Variants in ZNRF2 observed in about 807,000 individuals in gnomAD.
ZNRF2 encodes the protein zinc and ring finger 2, also known as E3 ubiquitin-protein ligase ZNRF2.
Under a neutral mutation model 20.4 loss-of-function variants are expected in ZNRF2, and 16 were observed. That is an observed-to-expected ratio of 0.79 (90% CI 0.53 to 1.19). The LOEUF (loss-of-function observed/expected upper bound fraction) is 1.19, where lower values mean the gene tolerates loss of function less well. ZNRF2 is among the 50% of genes most tolerant of loss of function. The probability of loss-of-function intolerance (pLI) is 0.00; values close to 1 mark genes in which losing one functional copy is unlikely to be tolerated. For synonymous variants in ZNRF2, 178 were observed against 144.9 expected, an observed-to-expected ratio of 1.23 and a Z score of -1.64; for missense variants, 363 against 332.4, an observed-to-expected ratio of 1.09 and a Z score of -0.72.
chr7:30,329,480 TTC>T (rs1799603692), intron 2 of ZNRF2, among the ~76,000 whole-genome samples: 1 of 152,302 alleles, frequency 6.6e-6, no homozygotes, highest in African/African-American at 2.4e-5. Flanking sequence ...ACCATCATTC[TTC>T]TCTCTGTCTC....
chr7:30,353,697 G>A (rs560093316), intron 2 of ZNRF2, among the ~76,000 whole-genome samples: 1 of 152,240 alleles, frequency 6.6e-6, no homozygotes, highest in African/African-American at 2.4e-5. Context: ...CTCTGAAAAT[G>A]AGATGCGTCT....
intron 1 of ZNRF2, among the ~76,000 whole-genome samples, chr7:30,306,306 T>A (rs952151412): frequency 6.6e-6 from 1 of 151,400 alleles, no homozygotes; most frequent in African/African-American, 2.4e-5. Context: ...AAGAATAAAA[T>A]TCAGTCTTTT....
chr7:30,309,333 C>CT (rs1369739487), intron 1 of ZNRF2, among the ~76,000 whole-genome samples: 1 of 152,096 alleles, frequency 6.6e-6, no homozygotes, highest in Admixed American at 6.6e-5. Flanking sequence ...GATTATTTAA[C>CT]CATTATTTAG....
At chr7:30,289,076 T>C (rs1798849194) in intron 1 of ZNRF2, 1 of 152,218 alleles carries the variant, frequency 6.6e-6, no homozygotes, top group Non-Finnish European at 1.5e-5. Flanking sequence ...TAATGTATCC[T>C]TGAGTCCAGA....
chr7:30,293,406 G>A (rs1321811275), intron 1 of ZNRF2, among the ~76,000 whole-genome samples: 1 of 152,020 alleles, frequency 6.6e-6, no homozygotes, highest in Non-Finnish European at 1.5e-5. Flanking sequence ...GCACCACCAT[G>A]CCTCACTAAT....
chr7:30,308,060 CT>C (rs1444246334), intron 1 of ZNRF2, among the ~76,000 whole-genome samples: 1 of 152,052 alleles, frequency 6.6e-6, no homozygotes, highest in Non-Finnish European at 1.5e-5. Flanking sequence ...CCCTTTTTTC[CT>C]CTTAGAATAA....
chr7:30,313,687 C>T (rs147706695), intron 1 of ZNRF2, among the ~76,000 whole-genome samples: 1 of 151,990 alleles, frequency 6.6e-6, no homozygotes, highest in Non-Finnish European at 1.5e-5. Context: ...ACTAAGTTAC[C>T]GTTGGCACTG....
At chr7:30,290,433 T>C (rs1441172151) in intron 1 of ZNRF2, among the ~76,000 whole-genome samples, 1 of 152,210 alleles carries the variant, frequency 6.6e-6, no homozygotes, top group Non-Finnish European at 1.5e-5. Flanking sequence ...GCAGGGTTGT[T>C]ATCTAGTGAC....
intron 2 of ZNRF2, among the ~76,000 whole-genome samples, chr7:30,340,649 A>G (rs1269525264): frequency 1.3e-5 from 2 of 151,904 alleles, no homozygotes; most frequent in African/African-American, 4.8e-5. Flanking sequence ...CCAGTATTTT[A>G]TTGAGGATTT....
chr7:30,365,136 G>C (rs1373422774), intron 4 of ZNRF2, among the ~76,000 whole-genome samples: 1 of 141,196 alleles, frequency 7.1e-6, no homozygotes. Context: ...TTAGACCATA[G>C]AGCTGATAAG....
intron 1 of ZNRF2, among the ~76,000 whole-genome samples, chr7:30,314,330 AC>A (rs1289394537): frequency 6.6e-6 from 1 of 151,770 alleles, no homozygotes; most frequent in African/African-American, 2.4e-5. Flanking sequence ...ACATTACATA[AC>A]ATAACATTGT....
At chr7:30,363,650 G>GA (rs577764510) in intron 4 of ZNRF2, among the ~76,000 whole-genome samples, 50 of 149,532 alleles carry the variant, frequency 3.3e-4, no homozygotes, top group African/African-American at 7.3e-4. Flanking sequence ...TTTTACGACT[G>GA]AAAAAAAAAC....
At chr7:30,351,324 G>A (rs1799958263) in intron 2 of ZNRF2, among the ~76,000 whole-genome samples, 1 of 151,964 alleles carries the variant, frequency 6.6e-6, no homozygotes, top group South Asian at 2.1e-4. Flanking sequence ...CACATTTCAA[G>A]TGCTGTTTTC....
Position 30,362,349 on chromosome 7 carries a change from C to A in ZNRF2, c.672-28C>A, listed in dbSNP as rs755853827. 3 of 1,523,926 alleles carry A rather than the reference C, an allele frequency of 2.0e-6. No individual in the cohort carries two copies. In the African/African-American group the frequency reaches 4.1e-5, roughly 21 times the overall value. 94.4% of individuals were successfully genotyped at this position (1,523,926 alleles called of 1,614,324 possible). A position where few individuals can be genotyped will look rare whatever the true frequency, so the allele number is the denominator to read the frequency against. On this transcript the variant is annotated intron_variant, in intron 3 of 4. Transcript: ENST00000323037. ...ATATAAATAATTAGTATAAGTATCT[C>A]AATTTTTCTGGTTTTGTTCCTTTCT... is the stretch of plus-strand genomic sequence containing the variant.
intron 1 of ZNRF2, among the ~76,000 whole-genome samples, chr7:30,313,548 A>G (rs1799322274): frequency 6.6e-6 from 1 of 152,122 alleles, no homozygotes; most frequent in South Asian, 2.1e-4. Flanking sequence ...GAAAATTCCC[A>G]GAGCAGAGGC....
chr7:30,307,341 T>G (rs1229020041), intron 1 of ZNRF2, among the ~76,000 whole-genome samples: 13 of 144,506 alleles, frequency 9.0e-5, no homozygotes, highest in South Asian at 2.3e-4. Context: ...TTTTTTTTTT[T>G]TTTTTTTTTG....
At chr7:30,313,121 C>T (rs1799316346) in intron 1 of ZNRF2, among the ~76,000 whole-genome samples, 1 of 152,148 alleles carries the variant, frequency 6.6e-6, no homozygotes, top group East Asian at 1.9e-4. Flanking sequence ...AAGTTTTCTG[C>T]AACTGAAGGG....
chr7:30,324,648 C>G (rs1245548581), intron 2 of ZNRF2, among the ~76,000 whole-genome samples: 6 of 152,054 alleles, frequency 3.9e-5, no homozygotes, highest in Non-Finnish European at 8.8e-5. Flanking sequence ...AAAAGGATTT[C>G]AAAGGCTCTT....
At chr7:30,309,871 G>C (rs892622307) in intron 1 of ZNRF2, among the ~76,000 whole-genome samples, 1 of 152,160 alleles carries the variant, frequency 6.6e-6, no homozygotes, top group Non-Finnish European at 1.5e-5. Context: ...GGGTATGGAA[G>C]ATAAATGAGG....
Sources: gnomAD v4.1 joint callset for allele counts (sites outside exome capture counted in the v4.1 genomes callset) on GRCh38, gnomAD v4.1.1 for gene constraint, MANE v1.5 for transcripts, NCBI Gene and HGNC (gene_info 2026-07-23, HGNC 2026-07-21) for gene names.